The following ATCAY variants were observed in gnomAD, a reference collection of about 807,000 sequenced individuals.
ATCAY encodes the protein ATCAY kinesin light chain interacting caytaxin, also known as caytaxin.
Under a neutral mutation model 47.7 loss-of-function variants are expected in ATCAY, and 22 were observed. The ratio of observed to expected loss-of-function variants is 0.46; its 90% confidence interval spans 0.33 to 0.66. The LOEUF is 0.66. Among genes scored for constraint, ATCAY ranks in the 30% least tolerant of loss-of-function variants. The pLI, the probability that ATCAY is intolerant of heterozygous loss-of-function variation, is 0.02. For synonymous variants in ATCAY, 216 were observed against 207.6 expected (o/e 1.04, Z -0.35); for missense variants, 452 against 515.0 (o/e 0.88, Z 1.18).
chr19:3,899,687 T>A (rs1244603368), intron 2 of ATCAY, among the ~76,000 whole-genome samples: 1 of 152,194 alleles, frequency 6.6e-6, no homozygotes, highest in Non-Finnish European at 1.5e-5. Context: ...GCCTTGCAGC[T>A]GAGCCAGGAA....
intron 1 of ATCAY, among the ~76,000 whole-genome samples, chr19:3,885,164 A>T (rs1421305156): frequency 1.3e-5 from 2 of 149,532 alleles, no homozygotes; most frequent in Non-Finnish European, 3.0e-5. Context: ...CACCCCTGTA[A>T]TCCCAGCACT....
chr19:3,896,652 C>G (rs973604330), intron 2 of ATCAY, among the ~76,000 whole-genome samples: 1 of 152,186 alleles, frequency 6.6e-6, no homozygotes, highest in Non-Finnish European at 1.5e-5. Context: ...CTGTGTGGAC[C>G]GTCCAAGGTT....
In ATCAY at chr19:3,910,906, G is replaced by A. The variant is rs202054448; in HGVS notation, c.866+17G>A. On this transcript the variant is annotated intron_variant, in intron 8 of 12. Coordinates refer to ENST00000450849, the MANE Select transcript of ATCAY (RefSeq NM_033064.5). The stretch of plus-strand genomic sequence containing the variant: ...TTTCATCAGGTGAGACGGGGAGGCT[G>A]CAACCCAAGTCCAGTGGCCTCAGTG... The A allele has an allele frequency of 7.4e-5, 120 of 1,613,732 alleles. 1 individual carries two copies. The African/African-American group carries it at 1.4e-3, about 18-fold the overall frequency.
rs1376769943 is a variant in ATCAY, at chr19:3,925,524, G to A, written c.*932G>A. 1 of 152,258 alleles carries A rather than the reference G, an allele frequency of 6.6e-6. No homozygotes were observed. The highest frequency in any genetic ancestry group is 1.5e-5 in the Non-Finnish European group (1 of 68,052). 9.4% of individuals were successfully genotyped at this position (152,258 alleles called of 1,614,324 possible). ...TATCGGGCGTTTGAGTGTTTCAGAA[G>A]TCATTCGGGAAGATAAATCCAGTGC... On this transcript the variant is annotated 3_prime_UTR_variant, in exon 13 of 13. Coordinates refer to ENST00000450849, the MANE Select transcript of ATCAY (RefSeq NM_033064.5). This position sits in a 1 kb window ranked among gnomAD's most constrained non-coding sequence, Gnocchi z 4.4.
chr19:3,884,033 G>A (rs1015854882), intron 1 of ATCAY, among the ~76,000 whole-genome samples: 1 of 152,074 alleles, frequency 6.6e-6, no homozygotes, highest in Non-Finnish European at 1.5e-5. Context: ...GGGCGGCACA[G>A]TGGCTCACAC....
At position 3,925,240 on chromosome 19, in the gene ATCAY, C is replaced by T. The variant is rs1356264005; in HGVS notation, c.*648C>T. On this transcript the variant is annotated 3_prime_UTR_variant, in exon 13 of 13. Coordinates refer to ENST00000450849, the MANE Select transcript of ATCAY (RefSeq NM_033064.5). This position sits in a 1 kb window ranked among gnomAD's most constrained non-coding sequence, Gnocchi z 4.4. ...TCAGAGCCCATTGCACAAGAAGAGC[C>T]GCTGCCAACCATCCTTGTCCTCCGA... 3 of 152,342 alleles carry T rather than the reference C, an allele frequency of 2.0e-5. No individual in the cohort carries two copies. Among genetic ancestry groups the T allele is most frequent in the Non-Finnish European group, 2.9e-5 (2 of 68,144 alleles). The allele number at this position is 152,342 out of a possible 1,614,324, so 9.4% of individuals were successfully genotyped here. A position where few individuals can be genotyped will look rare whatever the true frequency, so the allele number is the denominator to read the frequency against.
Position 3,885,756 on chromosome 19 carries a change from T to C in ATCAY, c.-12T>C. 1 of 1,550,206 alleles carries C rather than the reference T, an allele frequency of 6.5e-7. No individual in the cohort carries two copies. Among genetic ancestry groups the C allele is most frequent in the South Asian group, 1.2e-5 (1 of 84,010 alleles). On this transcript the variant is annotated 5_prime_UTR_variant, in exon 2 of 13. Coordinates refer to ENST00000450849, the MANE Select transcript of ATCAY (RefSeq NM_033064.5). ...CATCCCTGCTTCAAGCCAGTGCCTC[T>C]TCCCAGCTCCCATGGGGACCACCGA...
intron 2 of ATCAY, among the ~76,000 whole-genome samples, chr19:3,900,559 T>C (rs8113225): frequency 0.18 from 26,610 of 150,952 alleles, 5,805 homozygotes; most frequent in African/African-American, 0.52. Context: ...TGTTTTGAGA[T>C]GGAGTCTCAC....
intron 7 of ATCAY, 112 bp downstream of exon 7, chr19:3,909,729 G>A (rs2038906895): frequency 1.4e-6 from 2 of 1,439,062 alleles, no homozygotes; most frequent in Non-Finnish European, 9.4e-7. Flanking sequence ...GAGGTGGGAA[G>A]GTCCCTTGAG....
chr19:3,907,817 G>A lies in ATCAY; in HGVS notation c.442G>A (p.Ala148Thr), dbSNP rs200021943. 553 of 1,613,846 alleles carry A rather than the reference G, an allele frequency of 3.4e-4. 2 individuals carry two copies. Among genetic ancestry groups the A allele is most frequent in the East Asian group, 5.1e-4 (23 of 44,888 alleles). Residue 148 changes from alanine (A) to threonine (T), a missense_variant, in exon 5 of 13, where the codon GCC (alanine) becomes ACC (threonine). Ala to Thr is a moderately conservative substitution (Grantham distance 58). Coordinates refer to ENST00000450849, the MANE Select transcript of ATCAY (RefSeq NM_033064.5). This position sits in a 1 kb window ranked among gnomAD's most constrained non-coding sequence, Gnocchi z 5.1. ...FGDGTTEDGS[A>T]ANGRLWRTVI... Reference sequence around the variant, plus strand: ...GGACGGCACGACGGAGGACGGCAGCGCCGCCAACGGGCGCCTGTGGCGGAC... The same window carrying A: ...GGACGGCACGACGGAGGACGGCAGCACCGCCAACGGGCGCCTGTGGCGGAC...
rs370220518 is a variant in ATCAY at position 3,923,542 on chromosome 19, GTGGA to G, written c.1107-1027_1107-1024del. Among the ~76,000 whole-genome samples the G allele has an allele frequency of 4.3e-3, 659 of 151,810 alleles. 2 individuals are homozygous for G. Among genetic ancestry groups the G allele is most frequent in the African/African-American group, 0.015 (619 of 41,388 alleles). On this transcript the variant is annotated intron_variant, in intron 12 of 12. Coordinates refer to ENST00000450849, the MANE Select transcript of ATCAY (RefSeq NM_033064.5). ...GGATGGGAGGATAGATGGATGATAG[GTGGA>G]TGGATGGATGGATAAATGGATGGAT...
At chr19:3,913,194 G>A (rs962656316) in intron 8 of ATCAY, among the ~76,000 whole-genome samples, 1 of 151,022 alleles carries the variant, frequency 6.6e-6, no homozygotes, top group Non-Finnish European at 1.5e-5. Context: ...GGCTGAGGCA[G>A]GGAAAATCGC....
Position 3,907,772 on chromosome 19 carries a change from G to A in ATCAY, c.397G>A (p.Asp133Asn), listed in dbSNP as rs372829245. 44 of 1,613,924 alleles carry A rather than the reference G, an allele frequency of 2.7e-5. No individual in the cohort carries two copies. The highest frequency in any genetic ancestry group is 3.5e-5 in the Non-Finnish European group (41 of 1,179,900). Reference sequence around the variant, plus strand: ...GGCCACCGCCAAGAACATGCCCGGGGACAGCGCGGATCTATTTGGGGACGG... The same window carrying A: ...GGCCACCGCCAAGAACATGCCCGGGAACAGCGCGGATCTATTTGGGGACGG... ...PVATAKNMPG[D>N]SADLFGDGTT... Residue 133 changes from aspartate to asparagine, a missense_variant, in exon 5 of 13, where the codon GAC becomes AAC. By Grantham distance (23) the Asp-to-Asn change is conservative (BLOSUM62 1). Coordinates refer to ENST00000450849, the MANE Select transcript of ATCAY (RefSeq NM_033064.5). This position sits in a 1 kb window ranked among gnomAD's most constrained non-coding sequence, Gnocchi z 5.1.
chr19:3,881,383 G>C, intron 1 of ATCAY, among the ~76,000 whole-genome samples: 1 of 80,146 alleles, frequency 1.2e-5, no homozygotes, highest in Admixed American at 1.7e-4. Flanking sequence ...GACGATTTCG[G>C]GAAAAAAAAA....
chr19:3,892,431 G>A (rs2038726367), intron 2 of ATCAY, among the ~76,000 whole-genome samples: 1 of 150,462 alleles, frequency 6.6e-6, no homozygotes, highest in Non-Finnish European at 1.5e-5. Flanking sequence ...AAACTCCTGG[G>A]TTCAAATGAT....
chr19:3,927,279 A>C lies in ATCAY; in HGVS notation c.*2687A>C, dbSNP rs2039075548. ...CTGCCCGGAGGAGACAGGCTCCAGC[A>C]GATAGATGCCAGCCAGGCCCAGCTG... On this transcript the variant is annotated 3_prime_UTR_variant, in exon 13 of 13. Transcript: ENST00000450849. 1 of 152,286 alleles carries C rather than the reference A, an allele frequency of 6.6e-6. No individual in the cohort carries two copies. Among genetic ancestry groups the C allele is most frequent in the African/African-American group, 2.4e-5 (1 of 41,454 alleles). The allele number at this position is 152,286 out of a possible 1,614,324, so 9.4% of individuals were successfully genotyped here. A position where few individuals can be genotyped will look rare whatever the true frequency, so the allele number is the denominator to read the frequency against.
chr19:3,885,119 A>T (rs1599273600), intron 1 of ATCAY, among the ~76,000 whole-genome samples: 3 of 148,630 alleles, frequency 2.0e-5, no homozygotes, highest in African/African-American at 7.4e-5. Context: ...TAAAAAAAAA[A>T]AAAAAAAAAA....
rs397946296 is a variant in ATCAY at position 3,881,384 on chromosome 19, GA to G, written c.-42+394del. Among the ~76,000 whole-genome samples the G allele has an allele frequency of 6.8e-3, 887 of 130,286 alleles. 6 individuals carry two copies. Among genetic ancestry groups the G allele is most frequent in the South Asian group, 0.031 (127 of 4,062 alleles). 85.5% of individuals were successfully genotyped at this position (130,286 alleles called of 152,430 possible). On this transcript the variant is annotated intron_variant, in intron 1 of 12. Transcript: ENST00000450849. Reference sequence around the variant, plus strand: ...GAAGGCCACCAGCCGACGATTTCGGGAAAAAAAAAAAAAAAAAATCTAAGTG... The same window carrying G: ...GAAGGCCACCAGCCGACGATTTCGGGAAAAAAAAAAAAAAAAATCTAAGTG...
chr19:3,925,836 A>C lies in ATCAY; in HGVS notation c.*1244A>C, dbSNP rs964329819. On this transcript the variant is annotated 3_prime_UTR_variant, in exon 13 of 13. Coordinates refer to ENST00000450849, the MANE Select transcript of ATCAY (RefSeq NM_033064.5). This position sits in a 1 kb window ranked among gnomAD's most constrained non-coding sequence, Gnocchi z 4.4. ...AGCCTGGCCAACATGGTGAAACCTC[A>C]TCTCTACTAAAAATACAAAAATTAG... 1 of 152,226 alleles carries C rather than the reference A, an allele frequency of 6.6e-6. No homozygotes were observed. 9.4% of individuals were successfully genotyped at this position (152,226 alleles called of 1,614,324 possible).
Sources: allele counts gnomAD v4.1 joint callset (sites outside exome capture counted in the v4.1 genomes callset), GRCh38; gene constraint gnomAD v4.1.1; non-coding constraint Gnocchi (gnomAD v3.1); transcripts MANE v1.5; gene names NCBI Gene and HGNC (gene_info 2026-07-23, HGNC 2026-07-21).